IGSF9B: variants seen among roughly 807,000 people sequenced by gnomAD.
IGSF9B encodes the protein protein turtle homolog B.
Under a neutral mutation model 143.7 loss-of-function variants are expected in IGSF9B, and 48 were observed. That is an observed-to-expected ratio of 0.33 (90% CI 0.26 to 0.42). The LOEUF (loss-of-function observed/expected upper bound fraction) is 0.42, where lower values mean the gene tolerates loss of function less well. IGSF9B is among the 20% of genes least tolerant of loss of function. The pLI is 1.00. For synonymous variants in IGSF9B, 903 were observed against 833.1 expected, an observed-to-expected ratio of 1.08 and a Z score of -1.44; for missense variants, 1,706 against 1,980.0, an observed-to-expected ratio of 0.86 and a Z score of 2.63.
rs529303990 is a variant in IGSF9B at position 133,920,553 on chromosome 11, G to T, written c.3172C>A (p.Pro1058Thr). 3 of 1,612,610 alleles carry T rather than the reference G, an allele frequency of 1.9e-6. No homozygotes were observed. Among genetic ancestry groups the T allele is most frequent in the Non-Finnish European group, 2.5e-6 (3 of 1,179,388 alleles). Reference sequence around the variant, plus strand: ...ACATCACAGGGTGGCAGCTGGTGGGGGAACATCATCGCTGGGGTCTCCAGC... The same window carrying T: ...ACATCACAGGGTGGCAGCTGGTGGGTGAACATCATCGCTGGGGTCTCCAGC... ...GGLETPAMMFPHQLPPCDVPE... is the reference protein window; with the variant it reads ...GGLETPAMMFTHQLPPCDVPE... The change falls in exon 18 of 20, where the codon CCC becomes ACC. Residue 1058 changes from proline to threonine, a missense_variant. Physicochemically the swap from Pro to Thr is conservative, Grantham distance 38. Transcript: ENST00000533871.
chr11:133,953,329 G>A lies in IGSF9B; in HGVS notation c.64+3362C>T, dbSNP rs543092736. Reference sequence around the variant, plus strand: ...AAAGCTGATTGCCCTCTGCCCCTCAGCCAAGCCCTTCTCACATCCCCGTCT... The same window carrying A: ...AAAGCTGATTGCCCTCTGCCCCTCAACCAAGCCCTTCTCACATCCCCGTCT... On this transcript the variant is annotated intron_variant, in intron 1 of 19. Coordinates refer to ENST00000533871, the MANE Select transcript of IGSF9B (RefSeq NM_001277285.4). The surrounding 1 kb of genome is among the most constrained non-coding windows in gnomAD (Gnocchi z 4.2). Among the ~76,000 whole-genome samples, 215 of 152,286 alleles carry A rather than the reference G, an allele frequency of 1.4e-3. 1 individual carries two copies. The highest frequency in any genetic ancestry group is 5.1e-3 in the African/African-American group (210 of 41,574).
At position 133,907,138 on chromosome 11, in the gene IGSF9B, C is replaced by T. The variant is rs1939221661; in HGVS notation, c.*1931G>A. Among the ~76,000 whole-genome samples the T allele has an allele frequency of 6.6e-6, 1 of 152,172 alleles. No individual in the cohort carries two copies. The highest frequency in any genetic ancestry group is 2.4e-5 in the African/African-American group (1 of 41,444). ...CAGTCTCAGAAGCCCCTGCGTGCCT[C>T]TCTCACCATGACCCCTTCAGATGTG... On this transcript the variant is annotated 3_prime_UTR_variant, in exon 20 of 20. Transcript: ENST00000533871.
intron 1 of IGSF9B, among the ~76,000 whole-genome samples, chr11:133,946,639 G>A (rs1315601860): frequency 2.0e-5 from 3 of 152,200 alleles, no homozygotes; most frequent in Non-Finnish European, 2.9e-5. Flanking sequence ...TGGAGGTGAG[G>A]GGCCCGGCCC....
Position 133,931,616 on chromosome 11 carries a change from G to A in IGSF9B, c.1251+39C>T, listed in dbSNP as rs1939732166. ...CCCTCGTGAGGCCGGGGATCCAGGT[G>A]CCCAGCTCATGGAGGCCGTCACAGC... On this transcript the variant is annotated intron_variant, in intron 9 of 19. Coordinates refer to ENST00000533871, the MANE Select transcript of IGSF9B (RefSeq NM_001277285.4). The surrounding 1 kb of genome is among the most constrained non-coding windows in gnomAD (Gnocchi z 7.7). 6.2e-7 allele frequency: 1 copy of A among 1,608,390 alleles called. No homozygotes were observed. Among genetic ancestry groups the A allele is most frequent in the Non-Finnish European group, 8.5e-7 (1 of 1,176,418 alleles).
At position 133,903,605 on chromosome 11, in the gene IGSF9B, C is replaced by T. The variant is rs747127081; in HGVS notation, c.*5464G>A. 6.6e-6 allele frequency among the ~76,000 whole-genome samples: 1 copy of T among 152,192 alleles called. No homozygotes were observed. The highest frequency in any genetic ancestry group is 1.5e-5 in the Non-Finnish European group (1 of 68,038). ...ATTTATCCTTATCCTACATGGGATC[C>T]CTCAGGGGATGGTGGTGTCTTTGGA... On this transcript the variant is annotated 3_prime_UTR_variant, in exon 20 of 20. Transcript: ENST00000533871.
Position 133,948,917 on chromosome 11 carries a change from G to A in IGSF9B, c.65-2659C>T, listed in dbSNP as rs952586322. Among the ~76,000 whole-genome samples the A allele has an allele frequency of 6.6e-6, 1 of 152,152 alleles. No individual in the cohort carries two copies. On this transcript the variant is annotated intron_variant, in intron 1 of 19. Coordinates refer to ENST00000533871, the MANE Select transcript of IGSF9B (RefSeq NM_001277285.4). The surrounding 1 kb of genome is among the most constrained non-coding windows in gnomAD (Gnocchi z 4.7). The stretch of plus-strand genomic sequence containing the variant: ...GCGGGCAACGCCAGGAGGTGGGTTG[G>A]CTTTGACGTGGGTTCCCGCTGTGAG...
At position 133,902,176 on chromosome 11, in the gene IGSF9B, C is replaced by T. The variant is rs368603166; in HGVS notation, c.*6893G>A. On this transcript the variant is annotated 3_prime_UTR_variant, in exon 20 of 20. Transcript: ENST00000533871. The stretch of plus-strand genomic sequence containing the variant: ...AGACACACCACACACACCAAACACA[C>T]ACACACCAAACACACCAGACACACC... Among the ~76,000 whole-genome samples the T allele has an allele frequency of 0.041, 6,103 of 149,298 alleles. 369 individuals carry two copies. The highest frequency in any genetic ancestry group is 0.13 in the African/African-American group (5,439 of 40,326).
chr11:133,930,976 C>A lies in IGSF9B; in HGVS notation c.1519+8G>T. The A allele has an allele frequency of 6.2e-7, 1 of 1,605,642 alleles. No individual in the cohort carries two copies. Among genetic ancestry groups the A allele is most frequent in the Non-Finnish European group, 8.5e-7 (1 of 1,175,600 alleles). ...CCGCCGCCCGGCCCAGCCTTGCCGGCCACGTACCGATGACGGTGAGGTGGG... is the reference window on the plus strand; with the variant it reads ...CCGCCGCCCGGCCCAGCCTTGCCGGACACGTACCGATGACGGTGAGGTGGG... On this transcript the variant is annotated splice_region_variant and intron_variant, in intron 11 of 19. Coordinates refer to ENST00000533871, the MANE Select transcript of IGSF9B (RefSeq NM_001277285.4).
chr11:133,908,973 G>T lies in IGSF9B; in HGVS notation c.*96C>A, dbSNP rs768540790. ...GGCATGCAGGACAAAGGTCTGGGCC[G>T]CCCTTGGCAGACGGAGGAGGACACA... is the stretch of plus-strand genomic sequence containing the variant. On this transcript the variant is annotated 3_prime_UTR_variant, in exon 20 of 20. Coordinates refer to ENST00000533871, the MANE Select transcript of IGSF9B (RefSeq NM_001277285.4). 1.4e-5 allele frequency: 15 copies of T among 1,090,878 alleles called. No homozygotes were observed. Among genetic ancestry groups the T allele is most frequent in the Non-Finnish European group, 2.0e-5 (15 of 759,042 alleles). 67.6% of individuals were successfully genotyped at this position (1,090,878 alleles called of 1,614,324 possible). A position where few individuals can be genotyped will look rare whatever the true frequency, so the allele number is the denominator to read the frequency against.
chr11:133,942,313 G>C (rs775577627), intron 3 of IGSF9B, among the ~76,000 whole-genome samples: 2 of 152,122 alleles, frequency 1.3e-5, no homozygotes, highest in African/African-American at 4.8e-5. Flanking sequence ...CCGGAAGTCC[G>C]ACAGGTAAGT....
intron 19 of IGSF9B, among the ~76,000 whole-genome samples, chr11:133,910,263 C>A (rs368738400): frequency 6.6e-6 from 1 of 152,200 alleles, no homozygotes; most frequent in African/African-American, 2.4e-5. Context: ...CGCTACGTGT[C>A]CTGCAGTTCG....
Position 133,917,081 on chromosome 11 carries a change from G to C in IGSF9B, c.3983+2661C>G, listed in dbSNP as rs530313974. ...GAGATTTATAGCCCTGGTTAGGAAA[G>C]TGAACCTCCCTTGACATCTCTAGGG... On this transcript the variant is annotated intron_variant, in intron 18 of 19. Coordinates refer to ENST00000533871, the MANE Select transcript of IGSF9B (RefSeq NM_001277285.4). 1.2e-3 allele frequency among the ~76,000 whole-genome samples: 179 copies of C among 152,288 alleles called. 2 individuals are homozygous for C. Among genetic ancestry groups the C allele is most frequent in the Non-Finnish European group, 1.7e-3 (113 of 68,014 alleles).
chr11:133,926,079 C>T, intron 13 of IGSF9B, 114 bp from the exon 14 acceptor site: 1 of 754,876 alleles, frequency 1.3e-6, no homozygotes, highest in Non-Finnish European at 2.2e-6. Flanking sequence ...GAGTCAGGGC[C>T]CGGGGCCCAG....
intron 18 of IGSF9B, chr11:133,912,343 T>C: frequency 2.0e-6 from 1 of 494,452 alleles, no homozygotes; most frequent in East Asian, 5.8e-5. Flanking sequence ...GAGACAGAAG[T>C]AGGCTGAACG....
rs963572186 is a variant in IGSF9B, at chr11:133,901,569, G to A, written c.*7500C>T. Reference sequence around the variant, plus strand: ...GTCTCCACGATTGCATCTGATCCTTGCCTCCCACATACATTCCCCTCTCTC... The same window carrying A: ...GTCTCCACGATTGCATCTGATCCTTACCTCCCACATACATTCCCCTCTCTC... On this transcript the variant is annotated 3_prime_UTR_variant, in exon 20 of 20. Coordinates refer to ENST00000533871, the MANE Select transcript of IGSF9B (RefSeq NM_001277285.4). 3.3e-5 allele frequency: 5 copies of A among 152,112 alleles called. No homozygotes were observed. The highest frequency in any genetic ancestry group is 1.2e-4 in the African/African-American group (5 of 41,354). The allele number at this position is 152,112 out of a possible 1,614,324, so 9.4% of individuals were successfully genotyped here.
At chr11:133,935,502 C>T in intron 7 of IGSF9B, 115 bp downstream of exon 7, 1 of 1,203,954 alleles carries the variant, frequency 8.3e-7, no homozygotes, top group Non-Finnish European at 1.1e-6. Context: ...TTCGCTCCTC[C>T]ACCTACATGC....
In IGSF9B at chr11:133,927,952, G is replaced by A. The variant is rs562448922; in HGVS notation, c.1632-861C>T. 2.6e-5 allele frequency among the ~76,000 whole-genome samples: 4 copies of A among 152,300 alleles called. No individual in the cohort carries two copies. The South Asian group carries it at 8.3e-4, about 32-fold the overall frequency. ...GTACAAAAAGAAGCCGGCGCCAAAC[G>A]TCGGAGTCAGTGCACAGAGTTAGAG... On this transcript the variant is annotated intron_variant, in intron 12 of 19. Coordinates refer to ENST00000533871, the MANE Select transcript of IGSF9B (RefSeq NM_001277285.4).
chr11:133,952,704 C>T (rs1465028700), intron 1 of IGSF9B, among the ~76,000 whole-genome samples: 1 of 152,136 alleles, frequency 6.6e-6, no homozygotes, highest in African/African-American at 2.4e-5. Flanking sequence ...AGCATGCATA[C>T]ACACAGGGGC....
chr11:133,927,655 A>T (rs1212829174), intron 12 of IGSF9B, among the ~76,000 whole-genome samples: 1 of 152,188 alleles, frequency 6.6e-6, no homozygotes, highest in Non-Finnish European at 1.5e-5. Flanking sequence ...CTAAGGCCGT[A>T]AGGGTTGGAA....
Sources: gnomAD v4.1 joint callset for allele counts (sites outside exome capture counted in the v4.1 genomes callset) on GRCh38, gnomAD v4.1.1 for gene constraint, Gnocchi (gnomAD v3.1) non-coding constraint, MANE v1.5 for transcripts, NCBI Gene and HGNC (gene_info 2026-07-23, HGNC 2026-07-21) for gene names.